DGKB: variants seen among roughly 807,000 people sequenced by gnomAD.
DGKB encodes the protein 90 kDa diacylglycerol kinase.
Under a neutral mutation model 114.3 loss-of-function variants are expected in DGKB, and 67 were observed. The observed-to-expected ratio is 0.59, with a 90% CI of 0.48 to 0.72. The LOEUF (loss-of-function observed/expected upper bound fraction) is 0.72. Ranked by LOEUF, DGKB falls within the 30% of genes least tolerant of loss-of-function variation. DGKB has a pLI of 0.00. For synonymous variants in DGKB, 398 were observed against 323.1 expected (o/e 1.23, Z -2.49); for missense variants, 907 against 975.2 (o/e 0.93, Z 0.93).
chr7:14,387,929 G>A (rs903062427), intron 21 of DGKB, among the ~76,000 whole-genome samples: 1 of 144,076 alleles, frequency 6.9e-6, no homozygotes, highest in African/African-American at 2.6e-5. Flanking sequence ...ACCCAGGCTA[G>A]AGTACAGTGG....
At chr7:14,908,073 G>A (rs931353728), upstream of DGKB, among the ~76,000 whole-genome samples, 4 of 152,164 alleles carry the variant, frequency 2.6e-5, no homozygotes, top group African/African-American at 7.2e-5. Flanking sequence ...CTCAGTGATG[G>A]ATGTGGAGTA....
intron 17 of DGKB, among the ~76,000 whole-genome samples, chr7:14,595,821 A>T (rs950136347): frequency 1.3e-5 from 2 of 152,036 alleles, no homozygotes; most frequent in African/African-American, 4.8e-5. Context: ...TGATTTATTA[A>T]GATATGTTTA....
intron 23 of DGKB, among the ~76,000 whole-genome samples, chr7:14,255,885 C>G (rs543178923): frequency 7.0e-4 from 106 of 152,290 alleles, no homozygotes; most frequent in African/African-American, 1.8e-3. Context: ...ACAAACCTGT[C>G]GCAGCAAAGA....
At chr7:14,642,238 A>G (rs549459417) in intron 13 of DGKB, among the ~76,000 whole-genome samples, 2 of 152,198 alleles carry the variant, frequency 1.3e-5, no homozygotes, top group South Asian at 4.1e-4. Flanking sequence ...TATAAAGTAA[A>G]TGTTTTCTTT....
intron 13 of DGKB, among the ~76,000 whole-genome samples, chr7:14,633,483 A>T (rs1417077796): frequency 2.0e-5 from 3 of 151,920 alleles, no homozygotes; most frequent in Admixed American, 1.3e-4. Context: ...TTAAATGTAC[A>T]TGCCCATCAG....
chr7:14,675,373 G>C (rs1419643710), intron 12 of DGKB, among the ~76,000 whole-genome samples: 3 of 151,966 alleles, frequency 2.0e-5, no homozygotes, highest in Non-Finnish European at 4.4e-5. Context: ...GTTATTTGAG[G>C]GTTACTGATG....
chr7:14,227,406 T>G (rs376110218), intron 23 of DGKB, among the ~76,000 whole-genome samples: 7 of 152,040 alleles, frequency 4.6e-5, no homozygotes, highest in African/African-American at 1.7e-4. Flanking sequence ...AACTACCAGA[T>G]AAATCTATGA....
At chr7:14,874,805 T>G (rs964773816) in intron 1 of DGKB, among the ~76,000 whole-genome samples, 4 of 152,144 alleles carry the variant, frequency 2.6e-5, no homozygotes, top group African/African-American at 9.7e-5. Context: ...CCCACACAGA[T>G]TTATTAGTAG....
intron 2 of DGKB, among the ~76,000 whole-genome samples, chr7:14,761,788 T>C (rs1835733297): frequency 2.6e-5 from 4 of 152,054 alleles, no homozygotes. Context: ...TACATGTCTG[T>C]AATGGGAGAA....
rs567153362 is a variant in DGKB, at chr7:14,880,968, T to C, written c.-188+21624A>G. Among the ~76,000 whole-genome samples the C allele has an allele frequency of 1.4e-4, 21 of 152,318 alleles. 1 individual carries two copies. In the South Asian group the frequency reaches 4.4e-3, roughly 32 times the overall value. On this transcript the variant is annotated intron_variant, in intron 1 of 25. Coordinates refer to ENST00000402815, the MANE Select transcript of DGKB (RefSeq NM_001350709.2). ...TGTCATATGTCTTTCTATTCAAGTGTCTATTTTATTGAATAAATAAATAAC... is the reference window on the plus strand; with the variant it reads ...TGTCATATGTCTTTCTATTCAAGTGCCTATTTTATTGAATAAATAAATAAC...
chr7:14,313,805 C>T (rs1805908921), intron 23 of DGKB, among the ~76,000 whole-genome samples: 1 of 152,182 alleles, frequency 6.6e-6, no homozygotes, highest in African/African-American at 2.4e-5. Context: ...CTGCCTGCCT[C>T]TGTAGGCTCC....
intron 1 of DGKB, among the ~76,000 whole-genome samples, chr7:14,898,716 C>A (rs1587303477): frequency 6.6e-6 from 1 of 152,202 alleles, no homozygotes; most frequent in African/African-American, 2.4e-5. Context: ...TCAGGGCCAA[C>A]AATGTGAATG....
Position 14,931,865 on chromosome 7 carries a change from C to G in DGKB, c.-188+42831G>C, listed in dbSNP as rs187278953. Reference sequence around the variant, plus strand: ...GGGGTGGGTCGGGGGGTGGGGATACCTGGTTTCATTGCCAGTTTCTGGAGC... The same window carrying G: ...GGGGTGGGTCGGGGGGTGGGGATACGTGGTTTCATTGCCAGTTTCTGGAGC... On this transcript the variant is annotated intron_variant, in intron 1 of 4. Coordinates refer to the DGKB transcript ENST00000437998. Among the ~76,000 whole-genome samples, 59 of 152,186 alleles carry G rather than the reference C, an allele frequency of 3.9e-4. No individual in the cohort carries two copies. In the East Asian group the frequency reaches 4.3e-3, roughly 11 times the overall value.
chr7:14,486,366 C>A (rs1469148268), intron 20 of DGKB, among the ~76,000 whole-genome samples: 3 of 152,136 alleles, frequency 2.0e-5, no homozygotes, highest in Non-Finnish European at 4.4e-5. Context: ...TGTGGGAAAC[C>A]ACATAGGATC....
intron 20 of DGKB, among the ~76,000 whole-genome samples, chr7:14,490,962 T>TA (rs1784512553): frequency 6.6e-6 from 1 of 151,888 alleles, no homozygotes; most frequent in Non-Finnish European, 1.5e-5. Context: ...TTTTTTTTTT[T>TA]AATGCAGAAA....
intron 4 of DGKB, among the ~76,000 whole-genome samples, chr7:14,748,526 G>A (rs1215860990): frequency 6.6e-6 from 1 of 152,132 alleles, no homozygotes; most frequent in Non-Finnish European, 1.5e-5. Flanking sequence ...AATTTCCACT[G>A]GAGCCAGTGA....
rs149209408 is a variant in DGKB at position 14,376,571 on chromosome 7, G to C, written c.1836-31180C>G. Among the ~76,000 whole-genome samples the C allele has an allele frequency of 5.9e-5, 9 of 152,142 alleles. No individual in the cohort carries two copies. In the East Asian group the frequency reaches 1.7e-3, roughly 29 times the overall value. ...TCTCCCTAAACCCATTAAAAGTCCAGTACTTTATAGCAGAGATGACATTGA... is the reference window on the plus strand; with the variant it reads ...TCTCCCTAAACCCATTAAAAGTCCACTACTTTATAGCAGAGATGACATTGA... On this transcript the variant is annotated intron_variant, in intron 21 of 25. Coordinates refer to ENST00000402815, the MANE Select transcript of DGKB (RefSeq NM_001350709.2).
intron 23 of DGKB, among the ~76,000 whole-genome samples, chr7:14,212,902 TA>T (rs1318700260): frequency 6.6e-6 from 1 of 152,102 alleles, no homozygotes; most frequent in African/African-American, 2.4e-5. Flanking sequence ...AATTAACTTT[TA>T]AAAACGTAAA....
At chr7:14,331,198 T>C (rs1436020722) in intron 23 of DGKB, among the ~76,000 whole-genome samples, 2 of 152,054 alleles carry the variant, frequency 1.3e-5, no homozygotes, top group Non-Finnish European at 2.9e-5. Flanking sequence ...TTTGGATCTA[T>C]CTATTTTCAA....
Sources: allele counts gnomAD v4.1 joint callset (sites outside exome capture counted in the v4.1 genomes callset), GRCh38; gene constraint gnomAD v4.1.1; transcripts MANE v1.5; gene names NCBI Gene and HGNC (gene_info 2026-07-23, HGNC 2026-07-21).